The following ATG2A variants were observed in gnomAD, a reference collection of about 807,000 sequenced individuals.
ATG2A encodes the protein autophagy related 2A.
ATG2A carries 103 observed loss-of-function variants against 214.2 expected under a neutral mutation model. The observed-to-expected ratio is 0.48, with a 90% CI of 0.41 to 0.57. The LOEUF is 0.57. ATG2A is among the 20% of genes least tolerant of loss of function. The probability of loss-of-function intolerance (pLI) is 0.00; values close to 1 mark genes in which losing one functional copy is unlikely to be tolerated. For missense variants in ATG2A, 2,312 were observed against 2,613.2 expected, an observed-to-expected ratio of 0.88 and a Z score of 2.51; for synonymous variants, 1,160 against 1,142.1, an observed-to-expected ratio of 1.02 and a Z score of -0.32.
Position 64,906,484 on chromosome 11 carries a change from G to A in ATG2A, c.3033C>T (p.Phe1011=), listed in dbSNP as rs376523340. The change falls in exon 21 of 41, where the codon TTC becomes TTT. Residue 1011 remains phenylalanine (F), a synonymous_variant. Coordinates refer to ENST00000377264, the MANE Select transcript of ATG2A (RefSeq NM_015104.3). ...TTGGGGCCAGCTGAGCCGGGGGAGC[G>A]AAACTGGGAAGGTCCAGGTGACTGG... ...PLPSHLDLPS[F]APPAQLAPTI... is the part of the protein sequence containing the mutation. The A allele has an allele frequency of 1.7e-5, 27 of 1,613,188 alleles. No individual in the cohort carries two copies. The highest frequency in any genetic ancestry group is 1.2e-4 in the Admixed American group (7 of 59,998).
chr11:64,912,535 ACT>A (rs772366636), intron 6 of ATG2A, 112 bp from the exon 7 acceptor site: 27 of 851,004 alleles, frequency 3.2e-5, no homozygotes, highest in African/African-American at 2.6e-4. Context: ...ACCAAACTAA[ACT>A]CTGTTACCAA....
chr11:64,898,315 C>T lies in ATG2A; in HGVS notation c.4719G>A (p.Gly1573=), dbSNP rs762975865. The T allele has an allele frequency of 8.1e-6, 13 of 1,612,012 alleles. No individual in the cohort carries two copies. The South Asian group carries it at 1.1e-4, about 14-fold the overall frequency. Residue 1573 remains glycine, a synonymous_variant, in exon 33 of 41, where the codon GGG becomes GGA. Coordinates refer to ENST00000377264, the MANE Select transcript of ATG2A (RefSeq NM_015104.3). The surrounding 1 kb of genome is among the most constrained non-coding windows in gnomAD (Gnocchi z 4.5). ...LHVAPTTNLG[G]PECCLRVSLM... ...GCGAGACGCGGAGACAGCACTCAGG[C>T]CCACCCAGGTTGGTAGTGGGGGCCA...
In ATG2A at chr11:64,911,996, G is replaced by A; in HGVS notation, c.1088-14C>T. 10 of 1,613,826 alleles carry A rather than the reference G, an allele frequency of 6.2e-6. No individual in the cohort carries two copies. The highest frequency in any genetic ancestry group is 8.5e-6 in the Non-Finnish European group (10 of 1,179,860). On this transcript the variant is annotated splice_polypyrimidine_tract_variant and intron_variant, in intron 8 of 40. Transcript: ENST00000377264. ...AGAAGAAGAGGTCTGTGGGTGAAGT[G>A]AGGAGTGTCAGGGACAGCCGACCCC...
Position 64,896,618 on chromosome 11 carries a change from T to C in ATG2A, c.5273-2A>G. ...ACAGCAGGTCCCGGAACCCTTGGACTAGGGGGAAGGAGCGCTCAGAGACAC... is the reference window on the plus strand; with the variant it reads ...ACAGCAGGTCCCGGAACCCTTGGACCAGGGGGAAGGAGCGCTCAGAGACAC... On this transcript the variant is annotated splice_acceptor_variant, in intron 38 of 40. Transcript: ENST00000377264. LOFTEE classifies it high-confidence loss of function. The C allele has an allele frequency of 6.2e-7, 1 of 1,613,112 alleles. No individual in the cohort carries two copies. The highest frequency in any genetic ancestry group is 1.1e-5 in the South Asian group (1 of 91,068).
chr11:64,909,181 C>T (rs1353167752), intron 15 of ATG2A, 31 bp from the exon 16 acceptor site: 2 of 1,605,070 alleles, frequency 1.2e-6, no homozygotes, highest in Non-Finnish European at 1.7e-6. Context: ...TACTGGCCTG[C>T]AGGGCCCCCG....
Position 64,913,261 on chromosome 11 carries a change from C to G in ATG2A, c.726+5G>C. On this transcript the variant is annotated splice_donor_5th_base_variant and intron_variant, in intron 5 of 40. Coordinates refer to ENST00000377264, the MANE Select transcript of ATG2A (RefSeq NM_015104.3). This position sits in a 1 kb window ranked among gnomAD's most constrained non-coding sequence, Gnocchi z 4.3. ...CAGGGGCTGTGGGAATCAGAGCCCGCTCACCTGTGCCGGGAGCTCCTCGTA... is the reference window on the plus strand; with the variant it reads ...CAGGGGCTGTGGGAATCAGAGCCCGGTCACCTGTGCCGGGAGCTCCTCGTA... 6.2e-7 allele frequency: 1 copy of G among 1,611,908 alleles called. No homozygotes were observed. The highest frequency in any genetic ancestry group is 1.1e-5 in the South Asian group (1 of 90,754).
chr11:64,898,493 G>C lies in ATG2A; in HGVS notation c.4672-131C>G. ...GTTCCCTTCGCTAACACAGCCCCTAGCTCTGCCCTTCTCCCAGGCTCACAA... is the reference window on the plus strand; with the variant it reads ...GTTCCCTTCGCTAACACAGCCCCTACCTCTGCCCTTCTCCCAGGCTCACAA... On this transcript the variant is annotated intron_variant, in intron 32 of 40. Coordinates refer to ENST00000377264, the MANE Select transcript of ATG2A (RefSeq NM_015104.3). This position sits in a 1 kb window ranked among gnomAD's most constrained non-coding sequence, Gnocchi z 4.5. 1 of 1,322,664 alleles carries C rather than the reference G, an allele frequency of 7.6e-7. No individual in the cohort carries two copies. Among genetic ancestry groups the C allele is most frequent in the Non-Finnish European group, 1.0e-6 (1 of 954,478 alleles). 81.9% of individuals were successfully genotyped at this position (1,322,664 alleles called of 1,614,324 possible).
At chr11:64,897,309 C>T (rs1040906928) in intron 37 of ATG2A, 103 bp downstream of exon 37, 1 of 1,364,620 alleles carries the variant, frequency 7.3e-7, no homozygotes, top group Non-Finnish European at 1.0e-6. Context: ...AAACTGAGGC[C>T]CTGAGAAGGG....
Position 64,912,340 on chromosome 11 carries a change from GGCGCTGA to G in ATG2A, c.902_908del (p.Leu301ProfsTer2), listed in dbSNP as rs1944807639. 7.1e-7 allele frequency: 1 copy of G among 1,404,466 alleles called. No homozygotes were observed. Among genetic ancestry groups the G allele is most frequent in the Non-Finnish European group, 9.5e-7 (1 of 1,051,308 alleles). The allele number at this position is 1,404,466 out of a possible 1,614,324, so 87.0% of individuals were successfully genotyped here. On this transcript the variant is annotated frameshift_variant, in exon 7 of 41. Transcript: ENST00000377264. LOFTEE classifies it high-confidence loss of function. The stretch of plus-strand genomic sequence containing the variant: ...CAGGGGCCTCACCTGTAAGGCTCAC[GGCGCTGA>G]GCAGTTCCTGAAGTTGCTGGAGCTG...
Position 64,897,687 on chromosome 11 carries a change from A to C in ATG2A, c.5051T>G (p.Val1684Gly). Residue 1684 changes from valine (V) to glycine (G), a missense_variant, in exon 36 of 41, where the codon GTC (valine) becomes GGC (glycine). Coordinates refer to ENST00000377264, the MANE Select transcript of ATG2A (RefSeq NM_015104.3). ...PIWLDYHGKH[V>G]TMDQVGTFAG... is the part of the protein sequence containing the mutation. ...CCCACTTACCACCTGGTCCATCGTG[A>C]CGTGCTTGCCATGGTAATCCAGCCA... The C allele has an allele frequency of 2.5e-6, 4 of 1,614,228 alleles. No homozygotes were observed. In the South Asian group the frequency reaches 4.4e-5, roughly 18 times the overall value.
chr11:64,906,844 C>A, intron 19 of ATG2A, 29 bp from the exon 20 acceptor site: 1 of 1,602,216 alleles, frequency 6.2e-7, no homozygotes, highest in Non-Finnish European at 8.5e-7. Context: ...GCCTGGCTTC[C>A]CCAGCTGCAC....
intron 11 of ATG2A, 29 bp from the exon 12 acceptor site, chr11:64,910,737 G>T: frequency 2.5e-6 from 4 of 1,609,956 alleles, no homozygotes; most frequent in East Asian, 2.2e-5. Flanking sequence ...GGCACACAGG[G>T]TCAGGCCTGG....
intron 38 of ATG2A, 52 bp from the exon 39 acceptor site, chr11:64,896,668 C>T (rs754040545): frequency 1.4e-5 from 22 of 1,607,022 alleles, no homozygotes; most frequent in Non-Finnish European, 1.9e-5. Flanking sequence ...CCCCCACCTC[C>T]TCCTCTTATT....
chr11:64,905,532 G>C, intron 24 of ATG2A, 31 bp downstream of exon 24: 1 of 1,592,018 alleles, frequency 6.3e-7, no homozygotes, highest in Non-Finnish European at 8.6e-7. Context: ...CGGCGAGGGT[G>C]GGATGGCCCA....
Position 64,909,300 on chromosome 11 carries a change from C to G in ATG2A, c.2175G>C (p.Lys725Asn). The G allele has an allele frequency of 6.2e-7, 1 of 1,613,720 alleles. No homozygotes were observed. Among genetic ancestry groups the G allele is most frequent in the Non-Finnish European group, 8.5e-7 (1 of 1,180,004 alleles). Reference protein sequence around the residue: ...CLRVSKALDPKSTGRKYFLPQ... With the variant: ...CLRVSKALDPNSTGRKYFLPQ... ...GCAGGAAGTACTTGCGCCCAGTGCT[C>G]TTGGGGTCCAGGGCTTTGGAGACAC... is the stretch of plus-strand genomic sequence containing the variant. The change falls in exon 15 of 41, where the codon AAG becomes AAC. Residue 725 changes from lysine (K) to asparagine (N), a missense_variant. Transcript: ENST00000377264.
chr11:64,894,785 C>A lies in ATG2A; in HGVS notation c.*188G>T. ...TTCTCCCCGGAGGAAAAGTGCAGAG[C>A]CAGGGCTAAGGCCCCAAGGCAGGGA... is the stretch of plus-strand genomic sequence containing the variant. On this transcript the variant is annotated 3_prime_UTR_variant, in exon 41 of 41. Coordinates refer to ENST00000377264, the MANE Select transcript of ATG2A (RefSeq NM_015104.3). 1.3e-6 allele frequency: 1 copy of A among 778,086 alleles called. No individual in the cohort carries two copies. 48.2% of individuals were successfully genotyped at this position (778,086 alleles called of 1,614,324 possible). A position where few individuals can be genotyped will look rare whatever the true frequency, so the allele number is the denominator to read the frequency against.
chr11:64,915,711 G>A (rs1944954841), intron 1 of ATG2A, among the ~76,000 whole-genome samples: 1 of 152,160 alleles, frequency 6.6e-6, no homozygotes, highest in Admixed American at 6.5e-5. Context: ...GGGTATGGTG[G>A]TTCATGCCTA....
chr11:64,896,925 G>T, intron 37 of ATG2A, 56 bp from the exon 38 acceptor site: 1 of 1,600,188 alleles, frequency 6.2e-7, no homozygotes, highest in Non-Finnish European at 8.5e-7. Flanking sequence ...CACATGGAGG[G>T]ATTGTGGGGT....
Position 64,898,792 on chromosome 11 carries a change from C to T in ATG2A, c.4515G>A (p.Ala1505=), listed in dbSNP as rs1226111704. The T allele has an allele frequency of 9.3e-6, 15 of 1,613,486 alleles. No homozygotes were observed. The highest frequency in any genetic ancestry group is 1.6e-4 in the Middle Eastern group (1 of 6,082). ...GCTCCTCCAGCTCCTGGCTGGGGGC[C>T]GCAGGGCCTGTGGCTGGCTCCGCTG... ...VYPAEPATGP[A]APSQELEERP... The change falls in exon 32 of 41, where the codon GCG becomes GCA. Residue 1505 remains alanine (A), a synonymous_variant. Coordinates refer to ENST00000377264, the MANE Select transcript of ATG2A (RefSeq NM_015104.3). This position sits in a 1 kb window ranked among gnomAD's most constrained non-coding sequence, Gnocchi z 4.5.
Sources: gnomAD v4.1 joint callset for allele counts (sites outside exome capture counted in the v4.1 genomes callset) on GRCh38, gnomAD v4.1.1 for gene constraint, Gnocchi (gnomAD v3.1) non-coding constraint, MANE v1.5 for transcripts, NCBI Gene and HGNC (gene_info 2026-07-23, HGNC 2026-07-21) for gene names.